COG1: variants seen among roughly 807,000 people sequenced by gnomAD.
COG1 encodes component of oligomeric golgi complex 1.
A neutral mutation model predicts 102.2 loss-of-function variants in COG1; 61 were observed. That is an observed-to-expected ratio of 0.60 (90% CI 0.49 to 0.74). The LOEUF (loss-of-function observed/expected upper bound fraction) is 0.74, where lower values mean the gene tolerates loss of function less well. COG1 is among the 30% of genes least tolerant of loss of function. The pLI is 0.00. For missense variants in COG1, 1,164 were observed against 1,232.1 expected (o/e 0.94, Z 0.83); for synonymous variants, 454 against 493.6 (o/e 0.92, Z 1.06).
chr17:73,196,799 A>G (rs755019990), intron 2 of COG1, 48 bp downstream of exon 2: 1 of 1,614,058 alleles, frequency 6.2e-7, no homozygotes, highest in Non-Finnish European at 8.5e-7. Flanking sequence ...GCCAGGCTTC[A>G]CATTACGGGT....
rs1230710369 is a variant in COG1, at chr17:73,201,577, T to C, written c.1750T>C (p.Cys584Arg). The change falls in exon 7 of 14, where the codon TGC becomes CGC. Residue 584 changes from cysteine to arginine, a missense_variant. Cys to Arg is a radical substitution (Grantham distance 180). Coordinates refer to ENST00000299886, the MANE Select transcript of COG1 (RefSeq NM_018714.3). ...GGCATGCATCAAGCACATCGTGGAC[T>C]GCATCCGGGCAGAGCTACAGAGCAT... ...SVACIKHIVD[C>R]IRAELQSIEE... is the part of the protein sequence containing the mutation. The C allele has an allele frequency of 1.6e-5, 26 of 1,614,106 alleles. No individual in the cohort carries two copies. The highest frequency in any genetic ancestry group is 1.6e-4 in the Middle Eastern group (1 of 6,084).
Position 73,201,148 on chromosome 17 carries a change from T to G in COG1, c.1321T>G (p.Ser441Ala). The change falls in exon 7 of 14, where the codon TCC (serine) becomes GCC (alanine). Residue 441 changes from serine to alanine, a missense_variant. Coordinates refer to ENST00000299886, the MANE Select transcript of COG1 (RefSeq NM_018714.3). ...KEGFDSISSS[S>A]KELLVSALQE... The stretch of plus-strand genomic sequence containing the variant: ...AGGCTTTGACTCCATCTCCAGTAGC[T>G]CCAAGGAGCTCTTGGTTTCAGCTTT... 6.2e-7 allele frequency: 1 copy of G among 1,614,206 alleles called. No individual in the cohort carries two copies. Among genetic ancestry groups the G allele is most frequent in the Non-Finnish European group, 8.5e-7 (1 of 1,180,036 alleles).
rs543523588 is a variant in COG1, at chr17:73,196,294, C to A, written c.316-213C>A. 6.6e-5 allele frequency among the ~76,000 whole-genome samples: 10 copies of A among 152,254 alleles called. No homozygotes were observed. In the East Asian group the frequency reaches 1.9e-3, roughly 29 times the overall value. ...CTCTTCGTGGGGCTGAGCAAAAATG[C>A]ACGCGTGTGTAGGAAAAACCATGGG... is the stretch of plus-strand genomic sequence containing the variant. On this transcript the variant is annotated intron_variant, in intron 1 of 13. Coordinates refer to ENST00000299886, the MANE Select transcript of COG1 (RefSeq NM_018714.3).
Position 73,205,561 on chromosome 17 carries a change from T to A in COG1, c.2391T>A (p.Gly797=), listed in dbSNP as rs1363411403. ...LSEEKQIKKE[G]AFPVTQNRAL... ...TGGGAATTCATTTGCAGAAAGAAGG[T>A]GCATTTCCAGTCACCCAGAACCGGG... Residue 797 remains glycine (G), a synonymous_variant, in exon 10 of 14, where the codon GGT becomes GGA. Transcript: ENST00000299886. The A allele has an allele frequency of 1.9e-6, 3 of 1,614,038 alleles. No individual in the cohort carries two copies. In the East Asian group the frequency reaches 6.7e-5, roughly 36 times the overall value.
chr17:73,199,102 G>A (rs918966365), intron 4 of COG1, among the ~76,000 whole-genome samples: 8 of 152,182 alleles, frequency 5.3e-5, no homozygotes. Context: ...TTCAAACTCC[G>A]GAGGGTGCCT....
rs1425017165 is a variant in COG1 at position 73,207,949 on chromosome 17, C to T, written c.2806-365C>T. On this transcript the variant is annotated intron_variant, in intron 13 of 13. Coordinates refer to ENST00000299886, the MANE Select transcript of COG1 (RefSeq NM_018714.3). ...GATGGTAGTTTAAAAAAAAAAAAAG[C>T]TCTTGCAAAAACCATCCAGTCCCTA... The T allele has an allele frequency of 3.3e-6, 4 of 1,203,200 alleles. No homozygotes were observed. The African/African-American group carries it at 4.7e-5, about 14-fold the overall frequency. The allele number at this position is 1,203,200 out of a possible 1,614,324, so 74.5% of individuals were successfully genotyped here.
At chr17:73,205,265 TCTC>T (rs1283459665) in intron 9 of COG1, 6 of 416,058 alleles carry the variant, frequency 1.4e-5, no homozygotes, top group East Asian at 5.1e-5. Context: ...TCAAAACACT[TCTC>T]CTTCAGGCAA....
chr17:73,200,080 CG>C, intron 5 of COG1, 59 bp downstream of exon 5: 1 of 1,551,650 alleles, frequency 6.4e-7, no homozygotes, highest in Non-Finnish European at 8.8e-7. Context: ...CAGCCTTGTA[CG>C]GGGCATTACA....
At chr17:73,205,327 T>C in intron 9 of COG1, 1 of 533,166 alleles carries the variant, frequency 1.9e-6, no homozygotes, top group Non-Finnish European at 3.4e-6. Flanking sequence ...ATCTGAGGCC[T>C]TTTTTAAGGG....
chr17:73,200,408 G>A (rs2061341974), intron 5 of COG1, among the ~76,000 whole-genome samples, 158 bp from the exon 6 acceptor site: 1 of 152,128 alleles, frequency 6.6e-6, no homozygotes. Context: ...CAGCCAAAAC[G>A]CTCTGTGTTG....
intron 9 of COG1, 79 bp from the exon 10 acceptor site, chr17:73,205,474 C>T (rs1470950966): frequency 2.0e-6 from 3 of 1,527,672 alleles, no homozygotes; most frequent in Non-Finnish European, 2.7e-6. Context: ...TGAAACTCAA[C>T]CAAAACTTGA....
At position 73,196,346 on chromosome 17, in the gene COG1, A is replaced by G. The variant is rs2061324873; in HGVS notation, c.316-161A>G. On this transcript the variant is annotated intron_variant, in intron 1 of 13. Transcript: ENST00000299886. ...TCTTACAACACTCCTGACTCTGGCA[A>G]CTCTTCTACACTGGGCTTTGATGAC... The G allele has an allele frequency of 4.8e-6, 5 of 1,040,820 alleles. No homozygotes were observed. In the Admixed American group the frequency reaches 9.2e-5, roughly 19 times the overall value. 64.5% of individuals were successfully genotyped at this position (1,040,820 alleles called of 1,614,324 possible). A position where few individuals can be genotyped will look rare whatever the true frequency, so the allele number is the denominator to read the frequency against.
At chr17:73,204,383 A>T (rs2061359438) in intron 9 of COG1, among the ~76,000 whole-genome samples, 1 of 151,924 alleles carries the variant, frequency 6.6e-6, no homozygotes, top group Admixed American at 6.6e-5. Context: ...CAGCCACAGC[A>T]CACCTACCTC....
intron 6 of COG1, 67 bp downstream of exon 6, chr17:73,200,843 G>A: frequency 1.4e-6 from 2 of 1,432,240 alleles, no homozygotes; most frequent in Non-Finnish European, 2.0e-6. Context: ...GACTGTCTTG[G>A]GAGATTTCTG....
Position 73,208,389 on chromosome 17 carries a change from G to T in COG1, c.2881G>T (p.Glu961Ter), listed in dbSNP as rs1568300498. 4 of 1,614,128 alleles carry T rather than the reference G, an allele frequency of 2.5e-6. No homozygotes were observed. Among genetic ancestry groups the T allele is most frequent in the Non-Finnish European group, 3.4e-6 (4 of 1,180,052 alleles). Residue 961 changes from glutamate to a stop codon, truncating the protein, a stop_gained, in exon 14 of 14, where the codon GAA becomes TAA. Transcript: ENST00000299886. LOFTEE classifies it high-confidence loss of function. ...CTTGTTCAGACAGCTTGTCAGTGAA[G>T]AAGACAACACGTCTGCACCTTCATT... ...GSLFRQLVSE[E>*]DNTSAPSLFK...
intron 4 of COG1, among the ~76,000 whole-genome samples, chr17:73,198,881 G>A (rs1298923527): frequency 6.6e-6 from 1 of 152,238 alleles, no homozygotes; most frequent in Non-Finnish European, 1.5e-5. Context: ...AAACAGAAGA[G>A]TGCGGTGGTG....
Position 73,203,788 on chromosome 17 carries a change from A to AT in COG1, c.2379dup (p.Lys794Ter). The stretch of plus-strand genomic sequence containing the variant: ...TGAGAAACTCTCCGAAGAAAAACAG[A>AT]TTAAGGTAGGTGTCTGAATGTTTGC... On this transcript the variant is annotated frameshift_variant, in exon 9 of 14. Transcript: ENST00000299886. LOFTEE classifies it high-confidence loss of function. 1 of 1,614,216 alleles carries AT rather than the reference A, an allele frequency of 6.2e-7. No individual in the cohort carries two copies. The highest frequency in any genetic ancestry group is 8.5e-7 in the Non-Finnish European group (1 of 1,180,028).
intron 6 of COG1, 64 bp from the exon 7 acceptor site, chr17:73,201,045 T>G (rs75558335): frequency 7.0e-7 from 1 of 1,421,372 alleles, no homozygotes; most frequent in African/African-American, 1.4e-5. Context: ...TACCATTTGG[T>G]ACTTTTGTTT....
chr17:73,201,448 T>A lies in COG1; in HGVS notation c.1621T>A (p.Ser541Thr), dbSNP rs1485609633. Residue 541 changes from serine to threonine, a missense_variant, in exon 7 of 14, where the codon TCA (serine) becomes ACA (threonine). By Grantham distance (58) the Ser-to-Thr change is moderately conservative. Coordinates refer to ENST00000299886, the MANE Select transcript of COG1 (RefSeq NM_018714.3). ...CCTGGCTTACCTCCCCTCTGATGAC[T>A]CATCACTGCCCAAGGACGTTTCTCC... Reference protein sequence around the residue: ...DLLAYLPSDDSSLPKDVSPTQ... With the variant: ...DLLAYLPSDDTSLPKDVSPTQ... 6 of 1,614,132 alleles carry A rather than the reference T, an allele frequency of 3.7e-6. No individual in the cohort carries two copies. The highest frequency in any genetic ancestry group is 5.1e-6 in the Non-Finnish European group (6 of 1,180,052).
Sources: gnomAD v4.1 joint callset for allele counts (sites outside exome capture counted in the v4.1 genomes callset) on GRCh38, gnomAD v4.1.1 for gene constraint, MANE v1.5 for transcripts, NCBI Gene and HGNC (gene_info 2026-07-23, HGNC 2026-07-21) for gene names.